DNAH12: variants seen among roughly 807,000 people sequenced by gnomAD.
The protein encoded by DNAH12 is axonemal beta dynein heavy chain 12.
DNAH12 carries 285 observed loss-of-function variants against 371.5 expected under a neutral mutation model. The observed-to-expected ratio is 0.77, with a 90% CI of 0.70 to 0.85. DNAH12 has a LOEUF of 0.85. Ranked by LOEUF, DNAH12 falls within the 40% of genes least tolerant of loss-of-function variation. The pLI is 0.00. For missense variants in DNAH12, 3,611 were observed against 3,689.4 expected (o/e 0.98, Z 0.55); for synonymous variants, 1,200 against 1,213.0 (o/e 0.99, Z 0.22).
rs371401235 is a variant in DNAH12, at chr3:57,427,142, G to GA, written c.5253+1490_5253+1491insT. 1.7e-3 allele frequency among the ~76,000 whole-genome samples: 221 copies of GA among 133,270 alleles called. 2 individuals are homozygous for GA. The highest frequency in any genetic ancestry group is 0.014 in the Middle Eastern group (4 of 282). The allele number at this position is 133,270 out of a possible 152,430, so 87.4% of individuals were successfully genotyped here. A position where few individuals can be genotyped will look rare whatever the true frequency, so the allele number is the denominator to read the frequency against. On this transcript the variant is annotated intron_variant, in intron 34 of 73. Transcript: ENST00000495027. ...TTATTTATATGTAAGAAGCGAATGT[G>GA]TGTGTGTGTGTGTGTGTGTGTGTGT...
At chr3:57,410,685 G>A (rs2064173121) in intron 39 of DNAH12, among the ~76,000 whole-genome samples, 1 of 152,030 alleles carries the variant, frequency 6.6e-6, no homozygotes, top group Non-Finnish European at 1.5e-5. Context: ...GTGTGGTGGT[G>A]TGTACCTGTA....
At chr3:57,475,522 T>C (rs1398756173) in intron 13 of DNAH12, among the ~76,000 whole-genome samples, 3 of 152,200 alleles carry the variant, frequency 2.0e-5, no homozygotes, top group Non-Finnish European at 2.9e-5. Context: ...TTGAACTGTA[T>C]ACTTAAAAAT....
chr3:57,453,332 C>G lies in DNAH12; in HGVS notation c.3528G>C (p.Leu1176Phe), dbSNP rs1321688426. Residue 1176 changes from leucine (L) to phenylalanine (F), a missense_variant, in exon 24 of 74, where the codon TTG becomes TTC. By Grantham distance (22) the Leu-to-Phe change is conservative. Coordinates refer to ENST00000495027, the MANE Select transcript of DNAH12 (RefSeq NM_001366028.2). ...CCAGAGTGGTCCTGGTCTGCTTAGA[C>G]AACTTTCCTCTTACCAGCTCTACAA... ...NEIVELVRGK[L>F]SKQTRTTLGA... The G allele has an allele frequency of 5.8e-6, 9 of 1,551,252 alleles. No homozygotes were observed. The highest frequency in any genetic ancestry group is 7.8e-6 in the Non-Finnish European group (9 of 1,146,858).
intron 4 of DNAH12, among the ~76,000 whole-genome samples, chr3:57,516,627 G>A (rs771795440): frequency 6.6e-6 from 1 of 152,108 alleles, no homozygotes; most frequent in Non-Finnish European, 1.5e-5. Context: ...AATATGTCCT[G>A]AATCTAACAA....
intron 30 of DNAH12, 55 bp downstream of exon 30, chr3:57,436,887 ATTTTAGTTG>A: frequency 5.2e-6 from 6 of 1,155,374 alleles, no homozygotes; most frequent in Non-Finnish European, 7.1e-6. Context: ...TGGTTCATGG[ATTTTAGTTG>A]TTTTACCAGC....
At chr3:57,393,488 T>C (rs2063668871) in intron 44 of DNAH12, among the ~76,000 whole-genome samples, 1 of 151,310 alleles carries the variant, frequency 6.6e-6, no homozygotes, top group East Asian at 1.9e-4. Context: ...TAGCTGGGCC[T>C]GGTGGCAGGC....
intron 43 of DNAH12, 126 bp downstream of exon 43, chr3:57,403,183 A>T: frequency 1.1e-6 from 1 of 943,524 alleles, no homozygotes; most frequent in Non-Finnish European, 1.5e-6. Context: ...TAGATGCTCT[A>T]TGGACAGTAT....
At position 57,419,399 on chromosome 3, in the gene DNAH12, C is replaced by A. The variant is rs539293648; in HGVS notation, c.5682G>T (p.Thr1894=). 6.6e-7 allele frequency: 1 copy of A among 1,505,886 alleles called. No homozygotes were observed. Among genetic ancestry groups the A allele is most frequent in the South Asian group, 1.4e-5 (1 of 73,612 alleles). The allele number at this position is 1,505,886 out of a possible 1,614,324, so 93.3% of individuals were successfully genotyped here. A position where few individuals can be genotyped will look rare whatever the true frequency, so the allele number is the denominator to read the frequency against. ...IVPTMDTIRY[T]FLMDLSITYA... is the part of the protein sequence containing the mutation. ...AGGTAATACTCAAATCCATTAGAAA[C>A]GTATATCTAATTGTGTCCATCGTAG... Residue 1894 remains threonine (T), a synonymous_variant, in exon 37 of 74, where the codon ACG becomes ACT. Coordinates refer to ENST00000495027, the MANE Select transcript of DNAH12 (RefSeq NM_001366028.2).
intron 65 of DNAH12, among the ~76,000 whole-genome samples, chr3:57,320,874 T>C (rs1239602281): frequency 6.6e-6 from 1 of 152,204 alleles, no homozygotes; most frequent in African/African-American, 2.4e-5. Flanking sequence ...CTTTCATTTG[T>C]TTGTACTACC....
chr3:57,484,961 T>A (rs753765704), intron 12 of DNAH12, among the ~76,000 whole-genome samples: 4 of 151,946 alleles, frequency 2.6e-5, no homozygotes, highest in Non-Finnish European at 5.9e-5. Flanking sequence ...ATCAGGGAAA[T>A]GCAAATTAAA....
intron 69 of DNAH12, among the ~76,000 whole-genome samples, chr3:57,302,553 A>ATGGTTTTTT (rs1559535314): frequency 6.9e-5 from 6 of 86,392 alleles, no homozygotes; most frequent in African/African-American, 2.5e-4. Context: ...ATATATATAT[A>ATGGTTTTTT]TATATATATA....
intron 2 of DNAH12, among the ~76,000 whole-genome samples, chr3:57,526,981 C>T (rs138251438): frequency 0.017 from 2,525 of 151,680 alleles, 69 homozygotes; most frequent in African/African-American, 0.056. Flanking sequence ...ATTACAGGCA[C>T]CCACCGCCAC....
At position 57,293,748 on chromosome 3, in the gene DNAH12, T is replaced by A. The variant is rs963761307; in HGVS notation, c.*33A>T. ...TAAGTAGGACAGGTTTTTTTTTTTT[T>A]AAACTTTTGGATGTTTTATAAATTT... On this transcript the variant is annotated 3_prime_UTR_variant, in exon 74 of 74. Coordinates refer to ENST00000495027, the MANE Select transcript of DNAH12 (RefSeq NM_001366028.2). The A allele has an allele frequency of 2.3e-5, 35 of 1,513,208 alleles. No individual in the cohort carries two copies. The highest frequency in any genetic ancestry group is 4.9e-5 in the East Asian group (2 of 40,568). The allele number at this position is 1,513,208 out of a possible 1,614,324, so 93.7% of individuals were successfully genotyped here.
chr3:57,510,426 C>T (rs146356180), intron 5 of DNAH12, among the ~76,000 whole-genome samples: 1 of 152,028 alleles, frequency 6.6e-6, no homozygotes, highest in East Asian at 1.9e-4. Flanking sequence ...ATGGCTTGAG[C>T]CCAGGAGTTT....
chr3:57,496,342 C>G (rs1468926078), intron 11 of DNAH12, among the ~76,000 whole-genome samples: 1 of 151,912 alleles, frequency 6.6e-6, no homozygotes, highest in African/African-American at 2.4e-5. Context: ...TCAAGTTTAT[C>G]CCAGGAAAAC....
intron 29 of DNAH12, among the ~76,000 whole-genome samples, chr3:57,444,450 C>T (rs1371507375): frequency 6.6e-6 from 1 of 152,108 alleles, no homozygotes; most frequent in South Asian, 2.1e-4. Flanking sequence ...TCTCAGCCTC[C>T]CAGAGTCCAG....
chr3:57,447,301 G>A (rs1288447810), intron 25 of DNAH12, among the ~76,000 whole-genome samples: 2 of 152,122 alleles, frequency 1.3e-5, no homozygotes, highest in East Asian at 3.9e-4. Context: ...AGTGCTTAAT[G>A]ACAATATCAG....
At chr3:57,351,408 C>G (rs782629925) in intron 60 of DNAH12, among the ~76,000 whole-genome samples, 10 of 152,192 alleles carry the variant, frequency 6.6e-5, no homozygotes, top group Non-Finnish European at 1.5e-4. Flanking sequence ...AATTTTCTTT[C>G]TGGACATCTT....
At chr3:57,445,591 T>C (rs548726282) in intron 27 of DNAH12, among the ~76,000 whole-genome samples, 172 bp from the exon 28 acceptor site, 3 of 152,204 alleles carry the variant, frequency 2.0e-5, no homozygotes, top group Non-Finnish European at 4.4e-5. Flanking sequence ...CAGTTAGTAT[T>C]TTTTTGGATG....
Sources: allele counts gnomAD v4.1 joint callset (sites outside exome capture counted in the v4.1 genomes callset), GRCh38; gene constraint gnomAD v4.1.1; transcripts MANE v1.5; gene names NCBI Gene and HGNC (gene_info 2026-07-23, HGNC 2026-07-21).